The following ADRA1A variants were observed in gnomAD, a reference collection of about 807,000 sequenced individuals.
ADRA1A encodes the protein adrenoceptor alpha 1A, also known as alpha-1A adrenergic receptor.
A neutral mutation model predicts 29.6 loss-of-function variants in ADRA1A; 31 were observed. The ratio of observed to expected loss-of-function variants is 1.05; its 90% confidence interval spans 0.79 to 1.41. The LOEUF (loss-of-function observed/expected upper bound fraction) is 1.41, where lower values mean the gene tolerates loss of function less well. Among genes scored for constraint, ADRA1A ranks in the 40% most tolerant of loss-of-function variants. The probability of loss-of-function intolerance (pLI) is 0.00; values close to 1 mark genes in which losing one functional copy is unlikely to be tolerated. For synonymous variants in ADRA1A, 311 were observed against 254.3 expected (o/e 1.22, Z -2.12); for missense variants, 619 against 601.1 (o/e 1.03, Z -0.31).
intron 2 of ADRA1A, among the ~76,000 whole-genome samples, chr8:26,819,866 A>G (rs1015113681): frequency 2.7e-4 from 41 of 152,218 alleles, no homozygotes; most frequent in Admixed American, 2.7e-3. Context: ...AGAAAAGACT[A>G]ACTTTAGCTT....
At chr8:26,859,330 T>A in intron 2 of ADRA1A, 6 of 543,190 alleles carry the variant, frequency 1.1e-5, no homozygotes, top group Non-Finnish European at 1.7e-5. Context: ...AGTAGTGCCA[T>A]CTTCTTTAAG....
rs770904182 is a variant in ADRA1A, at chr8:26,769,780, C to T, written c.*369G>A. On this transcript the variant is annotated 3_prime_UTR_variant, in exon 3 of 3. Coordinates refer to ENST00000380573, the MANE Select transcript of ADRA1A (RefSeq NM_000680.4). ...CCTCACTTCCATCAAGAAATAGCTC[C>T]AAACTTAGAGTGTGTGCTCAAAATA... The T allele has an allele frequency of 1.7e-4, 167 of 1,003,152 alleles. No homozygotes were observed. Among genetic ancestry groups the T allele is most frequent in the Non-Finnish European group, 1.8e-4 (153 of 842,376 alleles). 62.1% of individuals were successfully genotyped at this position (1,003,152 alleles called of 1,614,324 possible).
chr8:26,809,204 G>C (rs1186482217), intron 2 of ADRA1A, among the ~76,000 whole-genome samples: 2 of 152,078 alleles, frequency 1.3e-5, no homozygotes, highest in Admixed American at 1.3e-4. Flanking sequence ...AAGCTAATTT[G>C]AACTATTGTC....
At chr8:26,838,641 G>A (rs1406766936) in intron 2 of ADRA1A, among the ~76,000 whole-genome samples, 1 of 152,176 alleles carries the variant, frequency 6.6e-6, no homozygotes, top group Non-Finnish European at 1.5e-5. Context: ...GAGCCCTGGA[G>A]AGAAGGAAGC....
chr8:26,800,621 A>G (rs1298743040), intron 2 of ADRA1A, among the ~76,000 whole-genome samples: 1 of 152,176 alleles, frequency 6.6e-6, no homozygotes, highest in East Asian at 1.9e-4. Flanking sequence ...AAAGTTTCCT[A>G]GCAAAGAAAA....
intron 2 of ADRA1A, among the ~76,000 whole-genome samples, chr8:26,810,962 C>T (rs1809341805): frequency 6.6e-6 from 1 of 152,096 alleles, no homozygotes; most frequent in East Asian, 1.9e-4. Flanking sequence ...CATCATTTCC[C>T]ACATTTGTGC....
At chr8:26,778,186 C>T (rs1256561706) in intron 2 of ADRA1A, among the ~76,000 whole-genome samples, 1 of 152,100 alleles carries the variant, frequency 6.6e-6, no homozygotes, top group Non-Finnish European at 1.5e-5. Flanking sequence ...AGGAGCAGGT[C>T]CACCCAAATG....
chr8:26,766,208 T>G (rs1805776002), downstream of ADRA1A: 1 of 1,156,536 alleles, frequency 8.6e-7, no homozygotes. Context: ...ATGTCGTATT[T>G]GCTTTCATTT....
chr8:26,856,740 C>T (rs982320975), intron 2 of ADRA1A, among the ~76,000 whole-genome samples: 2 of 152,208 alleles, frequency 1.3e-5, no homozygotes, highest in East Asian at 1.9e-4. Context: ...ATTTTCAAGG[C>T]ACCATTTATG....
chr8:26,779,534 C>T (rs1349814267), intron 2 of ADRA1A: 3 of 598,574 alleles, frequency 5.0e-6, no homozygotes, highest in African/African-American at 1.9e-5. Context: ...GAAAACAGCC[C>T]ATGACAAGCA....
chr8:26,866,945 C>A lies in ADRA1A; in HGVS notation c.-696G>T, dbSNP rs764998395. On this transcript the variant is annotated 5_prime_UTR_variant, in exon 1 of 3. Coordinates refer to ENST00000380573, the MANE Select transcript of ADRA1A (RefSeq NM_000680.4). This position sits in a 1 kb window ranked among gnomAD's most constrained non-coding sequence, Gnocchi z 5.7. ...GCCCCGGCGCACTCACCTGAAGCGC[C>A]GCTGCTGAGCCACCAGCTCGCGCGC... is the stretch of plus-strand genomic sequence containing the variant. 12 of 985,270 alleles carry A rather than the reference C, an allele frequency of 1.2e-5. No homozygotes were observed. Among genetic ancestry groups the A allele is most frequent in the Non-Finnish European group, 1.4e-5 (12 of 829,834 alleles). The allele number at this position is 985,270 out of a possible 1,614,324, so 61.0% of individuals were successfully genotyped here.
chr8:26,750,663 A>G (rs1462899406), intron 2 of ADRA1A, among the ~76,000 whole-genome samples: 1 of 152,238 alleles, frequency 6.6e-6, no homozygotes, highest in Non-Finnish European at 1.5e-5. Context: ...GGCATTCCTC[A>G]AACCTGGATA....
intron 2 of ADRA1A, among the ~76,000 whole-genome samples, chr8:26,790,035 A>AACATTATG (rs748585383): frequency 2.9e-4 from 44 of 152,278 alleles, no homozygotes; most frequent in Non-Finnish European, 5.1e-4. Context: ...CATTGTAAAG[A>AACATTATG]ACATTATGGT....
chr8:26,772,664 G>A lies in ADRA1A; in HGVS notation c.884-1998C>T, dbSNP rs1036065393. On this transcript the variant is annotated intron_variant, in intron 2 of 2. Coordinates refer to ENST00000380573, the MANE Select transcript of ADRA1A (RefSeq NM_000680.4). ...TCTGCTCTGTGGACCTATCAGAGCC[G>A]TGACAAATTGCTGGTGCTATTAAAA... Among the ~76,000 whole-genome samples the A allele has an allele frequency of 7.2e-5, 11 of 152,132 alleles. 1 individual carries two copies. The highest frequency in any genetic ancestry group is 6.2e-4 in the South Asian group (3 of 4,822).
At chr8:26,778,453 G>A (rs930098773) in intron 2 of ADRA1A, among the ~76,000 whole-genome samples, 1 of 152,158 alleles carries the variant, frequency 6.6e-6, no homozygotes, top group Non-Finnish European at 1.5e-5. Context: ...TCATAAGCCA[G>A]TGTATTTTCC....
intron 2 of ADRA1A, among the ~76,000 whole-genome samples, chr8:26,811,825 C>T (rs116256851): frequency 9.8e-5 from 15 of 152,320 alleles, no homozygotes; most frequent in African/African-American, 3.4e-4. Flanking sequence ...AATGTCGTCA[C>T]GTGGAACGTA....
chr8:26,755,682 G>T (rs1219642690), downstream of ADRA1A, among the ~76,000 whole-genome samples: 1 of 152,146 alleles, frequency 6.6e-6, no homozygotes. Flanking sequence ...GCCGGCTGAG[G>T]CCCTTCACCA....
chr8:26,783,209 T>G (rs1807124642), intron 2 of ADRA1A, among the ~76,000 whole-genome samples: 1 of 152,092 alleles, frequency 6.6e-6, no homozygotes, highest in African/African-American at 2.4e-5. Flanking sequence ...GAAGTATGAG[T>G]TATATATGAA....
intron 2 of ADRA1A, among the ~76,000 whole-genome samples, chr8:26,819,084 A>T (rs1349622083): frequency 6.6e-6 from 1 of 152,214 alleles, no homozygotes; most frequent in Non-Finnish European, 1.5e-5. Context: ...GGATTCCAAA[A>T]GCAGCAAGAG....
Sources: gnomAD v4.1 joint callset for allele counts (sites outside exome capture counted in the v4.1 genomes callset) on GRCh38, gnomAD v4.1.1 for gene constraint, Gnocchi (gnomAD v3.1) non-coding constraint, MANE v1.5 for transcripts, NCBI Gene and HGNC (gene_info 2026-07-23, HGNC 2026-07-21) for gene names.